The following RGS21 variants were observed in gnomAD, a reference collection of about 807,000 sequenced individuals.
The protein encoded by RGS21 is regulator of G protein signaling 21.
In RGS21, 19 loss-of-function variants were observed where a neutral mutation model predicts 18.7. The ratio of observed to expected loss-of-function variants is 1.01; its 90% CI spans 0.71 to 1.49. The LOEUF is 1.49. Among genes scored for constraint, RGS21 ranks in the 40% most tolerant of loss-of-function variants. RGS21 has a pLI of 0.00. For missense variants in RGS21, 194 were observed against 176.8 expected, an observed-to-expected ratio of 1.10 and a Z score of -0.55; for synonymous variants, 56 against 57.8, an observed-to-expected ratio of 0.97 and a Z score of 0.14.
At position 192,327,777 on chromosome 1, in the gene RGS21, A is replaced by C. The variant is rs1658587697; in HGVS notation, c.-61+10672A>C. 2.0e-5 allele frequency among the ~76,000 whole-genome samples: 3 copies of C among 152,194 alleles called. No homozygotes were observed. In the South Asian group the frequency reaches 6.2e-4, roughly 32 times the overall value. ...TGTGAGCCACCACTGGAGGCCACAA[A>C]AAACAGTCTTACAAGAATTTGCCAT... On this transcript the variant is annotated intron_variant, in intron 1 of 4. Transcript: ENST00000417209.
At chr1:192,342,078 T>C (rs1379109129) in intron 1 of RGS21, among the ~76,000 whole-genome samples, 2 of 151,990 alleles carry the variant, frequency 1.3e-5, no homozygotes, top group African/African-American at 4.8e-5. Context: ...TTTCTATAGA[T>C]CAACTAGGGC....
intron 4 of RGS21, among the ~76,000 whole-genome samples, chr1:192,364,139 G>C (rs1297656887): frequency 6.6e-6 from 1 of 152,110 alleles, no homozygotes; most frequent in Non-Finnish European, 1.5e-5. Context: ...TTAGAGGACA[G>C]ACTTGAAAAG....
intron 1 of RGS21, among the ~76,000 whole-genome samples, chr1:192,325,824 C>T (rs1015935189): frequency 6.6e-6 from 1 of 151,986 alleles, no homozygotes; most frequent in Non-Finnish European, 1.5e-5. Flanking sequence ...TGTTTAAGTT[C>T]CTTATAGATT....
At chr1:192,319,937 A>C (rs983889046) in intron 1 of RGS21, among the ~76,000 whole-genome samples, 5 of 152,106 alleles carry the variant, frequency 3.3e-5, no homozygotes, top group Admixed American at 1.3e-4. Context: ...AAGGATACTC[A>C]ATTGTGTTTT....
At chr1:192,340,802 C>A (rs1658848112) in intron 1 of RGS21, among the ~76,000 whole-genome samples, 1 of 151,996 alleles carries the variant, frequency 6.6e-6, no homozygotes, top group Non-Finnish European at 1.5e-5. Flanking sequence ...AAGAGGCAAC[C>A]AAAAGGGGAA....
chr1:192,344,179 C>T (rs1658914719), intron 2 of RGS21, among the ~76,000 whole-genome samples: 1 of 151,814 alleles, frequency 6.6e-6, no homozygotes, highest in Non-Finnish European at 1.5e-5. Context: ...ACAATTTTAA[C>T]TATTATTTAG....
intron 4 of RGS21, among the ~76,000 whole-genome samples, chr1:192,359,280 G>A (rs920661131): frequency 6.6e-6 from 1 of 151,592 alleles, no homozygotes; most frequent in Admixed American, 6.6e-5. Context: ...TGTTTTTTTT[G>A]GTTAATTGAT....
chr1:192,355,834 T>C (rs1292094486), intron 4 of RGS21, among the ~76,000 whole-genome samples: 1 of 151,240 alleles, frequency 6.6e-6, no homozygotes, highest in Non-Finnish European at 1.5e-5. Flanking sequence ...TATATTTATG[T>C]CATCATTCCT....
Position 192,343,959 on chromosome 1 carries a change from T to C in RGS21, c.11+912T>C, listed in dbSNP as rs77545349. On this transcript the variant is annotated intron_variant, in intron 2 of 4. Transcript: ENST00000417209. ...GTTTAAAATCAACCATCCTCTTTTTTCTCCAACTTTTATTCAATAGATTTC... is the reference window on the plus strand; with the variant it reads ...GTTTAAAATCAACCATCCTCTTTTTCCTCCAACTTTTATTCAATAGATTTC... Among the ~76,000 whole-genome samples, 929 of 152,196 alleles carry C rather than the reference T, an allele frequency of 6.1e-3. 9 individuals carry two copies. The highest frequency in any genetic ancestry group is 0.022 in the African/African-American group (899 of 41,558).
intron 2 of RGS21, 139 bp from the exon 3 acceptor site, chr1:192,347,174 C>A: frequency 1.7e-6 from 1 of 590,434 alleles, no homozygotes; most frequent in Non-Finnish European, 3.1e-6. Flanking sequence ...CTGTAAATAG[C>A]ATTGTATAAT....
At chr1:192,320,526 A>ATG (rs1658481240) in intron 1 of RGS21, among the ~76,000 whole-genome samples, 9 of 147,452 alleles carry the variant, frequency 6.1e-5, no homozygotes, top group African/African-American at 2.3e-4. Context: ...GTATGTGTAT[A>ATG]TGTATGTGTA....
At position 192,342,960 on chromosome 1, in the gene RGS21, T is replaced by A; in HGVS notation, c.-60-17T>A. ...CGCATACTAATTGTAATGTTCCTGC[T>A]GTCACATTACCTTCAGCTTGAAGAT... is the stretch of plus-strand genomic sequence containing the variant. On this transcript the variant is annotated splice_polypyrimidine_tract_variant and intron_variant, in intron 1 of 4. Transcript: ENST00000417209. 7.1e-7 allele frequency: 1 copy of A among 1,400,744 alleles called. No individual in the cohort carries two copies. Among genetic ancestry groups the A allele is most frequent in the Non-Finnish European group, 1.0e-6 (1 of 985,780 alleles). 86.8% of individuals were successfully genotyped at this position (1,400,744 alleles called of 1,614,324 possible). A position where few individuals can be genotyped will look rare whatever the true frequency, so the allele number is the denominator to read the frequency against.
intron 2 of RGS21, among the ~76,000 whole-genome samples, chr1:192,346,335 A>G (rs1658943710): frequency 6.6e-6 from 1 of 152,124 alleles, no homozygotes; most frequent in Non-Finnish European, 1.5e-5. Context: ...TATGTTTAAG[A>G]TTAGTTATCT....
intron 2 of RGS21, 123 bp from the exon 3 acceptor site, chr1:192,347,190 G>A (rs929715856): frequency 1.6e-6 from 1 of 627,626 alleles, no homozygotes; most frequent in Admixed American, 2.3e-5. Context: ...ATAATTTTTT[G>A]ACATTTGGCT....
At chr1:192,333,080 C>T (rs1025833632) in intron 1 of RGS21, among the ~76,000 whole-genome samples, 7 of 151,840 alleles carry the variant, frequency 4.6e-5, no homozygotes, top group African/African-American at 1.5e-4. Flanking sequence ...GTCAACATCA[C>T]GAGCTGTTAG....
intron 1 of RGS21, among the ~76,000 whole-genome samples, chr1:192,338,767 T>C (rs1204106207): frequency 1.3e-5 from 2 of 152,116 alleles, no homozygotes; most frequent in Admixed American, 6.6e-5. Flanking sequence ...TCCTAAAATA[T>C]AAGTGTTACT....
At chr1:192,359,535 C>T (rs1337056334) in intron 4 of RGS21, among the ~76,000 whole-genome samples, 1 of 151,688 alleles carries the variant, frequency 6.6e-6, no homozygotes, top group Non-Finnish European at 1.5e-5. Flanking sequence ...ACAAAAATCA[C>T]ATTTGAGAGG....
intron 4 of RGS21, among the ~76,000 whole-genome samples, chr1:192,364,927 G>A (rs1659233752): frequency 6.6e-6 from 1 of 152,046 alleles, no homozygotes; most frequent in Non-Finnish European, 1.5e-5. Flanking sequence ...GAGGTCAGGA[G>A]TTCAAGACCA....
chr1:192,343,169 C>A, intron 2 of RGS21, 122 bp downstream of exon 2: 1 of 955,454 alleles, frequency 1.0e-6, no homozygotes, highest in Non-Finnish European at 1.7e-6. Flanking sequence ...TGTTGTCTTC[C>A]TGATTTTTTC....
Sources: allele counts gnomAD v4.1 joint callset (sites outside exome capture counted in the v4.1 genomes callset), GRCh38; gene constraint gnomAD v4.1.1; transcripts MANE v1.5; gene names NCBI Gene and HGNC (gene_info 2026-07-23, HGNC 2026-07-21).